FAT3: variants seen among roughly 807,000 people sequenced by gnomAD.
FAT3 encodes the protein protocadherin Fat 3.
A neutral mutation model predicts 310.2 loss-of-function variants in FAT3; 95 were observed. The ratio of observed to expected loss-of-function variants is 0.31; its 90% CI spans 0.26 to 0.36. The LOEUF is 0.36. Ranked by LOEUF, FAT3 falls within the 10% of genes least tolerant of loss-of-function variation. The probability of loss-of-function intolerance (pLI) is 1.00; values close to 1 mark genes in which losing one functional copy is unlikely to be tolerated. For synonymous variants in FAT3, 2,314 were observed against 2,192.9 expected (o/e 1.06, Z -1.54); for missense variants, 5,408 against 5,715.6 (o/e 0.95, Z 1.74).
chr11:92,350,640 G>A (rs1245136451), intron 1 of FAT3, among the ~76,000 whole-genome samples: 1 of 152,076 alleles, frequency 6.6e-6, no homozygotes, highest in East Asian at 1.9e-4. Flanking sequence ...CTTGCCGGCT[G>A]GGGAACATTG....
chr11:92,714,666 C>T (rs751907221), intron 4 of FAT3, among the ~76,000 whole-genome samples: 2 of 152,172 alleles, frequency 1.3e-5, no homozygotes, highest in African/African-American at 4.8e-5. Context: ...TCAGCTATTA[C>T]TAGATTGTGG....
At position 92,866,933 on chromosome 11, in the gene FAT3, A is replaced by G. The variant is rs1949262762; in HGVS notation, c.11851A>G (p.Ser3951Gly). Residue 3951 changes from serine to glycine, a missense_variant, in exon 22 of 28, where the codon AGC (serine) becomes GGC (glycine). Ser to Gly is a moderately conservative substitution (Grantham distance 56). This residue lies in a region of FAT3 where 4,588 missense variants were observed against 4,809.8 expected (regional missense o/e 0.95). Coordinates refer to ENST00000525166, the MANE Select transcript of FAT3 (RefSeq NM_001367949.2). ...GGCGCCCCTCTACTTCCAGACGCTGAGCACTGAGAGTAGCATCTACTTCGG... is the reference window on the plus strand; with the variant it reads ...GGCGCCCCTCTACTTCCAGACGCTGGGCACTGAGAGTAGCATCTACTTCGG... The part of the protein sequence containing the change: ...RRAPLYFQTL[S>G]TESSIYFGAL... 6.2e-7 allele frequency: 1 copy of G among 1,613,750 alleles called. No homozygotes were observed. Among genetic ancestry groups the G allele is most frequent in the Non-Finnish European group, 8.5e-7 (1 of 1,179,860 alleles).
At chr11:92,337,352 A>T (rs1175926556) in intron 1 of FAT3, among the ~76,000 whole-genome samples, 1 of 152,232 alleles carries the variant, frequency 6.6e-6, no homozygotes, top group African/African-American at 2.4e-5. Context: ...CATAAAAGTA[A>T]TGGAAGGATG....
chr11:92,307,342 T>TAAAC (rs1947168526), intron 1 of FAT3, among the ~76,000 whole-genome samples: 1 of 152,194 alleles, frequency 6.6e-6, no homozygotes, highest in African/African-American at 2.4e-5. Flanking sequence ...TTTCCTTTGT[T>TAAAC]TAATTTGGCT....
chr11:92,453,226 T>C (rs1044854632), intron 2 of FAT3, among the ~76,000 whole-genome samples: 23 of 152,212 alleles, frequency 1.5e-4, no homozygotes, highest in Admixed American at 3.3e-4. Context: ...AGTCAGTGAA[T>C]GAGTCATAGC....
rs1452177328 is a variant in FAT3 at position 92,882,931 on chromosome 11, G to C, written c.12475G>C (p.Ala4159Pro). Reference protein sequence around the residue: ...YVGKEELIGIAVVLFVIFILV... With the variant: ...YVGKEELIGIPVVLFVIFILV... Reference sequence around the variant, plus strand: ...GGGGAAGGAGGAGCTCATCGGCATCGCCGTGGTCCTCTTCGTCATCTTCAT... The same window carrying C: ...GGGGAAGGAGGAGCTCATCGGCATCCCCGTGGTCCTCTTCGTCATCTTCAT... Residue 4159 changes from alanine (A) to proline (P), a missense_variant, in exon 24 of 28, where the codon GCC (alanine) becomes CCC (proline). Coordinates refer to ENST00000525166, the MANE Select transcript of FAT3 (RefSeq NM_001367949.2). 9.3e-6 allele frequency: 15 copies of C among 1,613,106 alleles called. No individual in the cohort carries two copies. The highest frequency in any genetic ancestry group is 3.3e-5 in the Admixed American group (2 of 59,898).
intron 3 of FAT3, among the ~76,000 whole-genome samples, chr11:92,664,053 G>A (rs1010525447): frequency 6.6e-6 from 1 of 152,004 alleles, no homozygotes; most frequent in Non-Finnish European, 1.5e-5. Context: ...ACCGTGAGTG[G>A]TCTTGTGTTT....
chr11:92,426,437 T>G (rs1188521549), intron 2 of FAT3, among the ~76,000 whole-genome samples: 2 of 152,208 alleles, frequency 1.3e-5, no homozygotes, highest in Non-Finnish European at 2.9e-5. Context: ...GTTTTAGTCA[T>G]GAAGTCTTTG....
At chr11:92,859,085 G>T in intron 20 of FAT3, 80 bp from the exon 21 acceptor site, 1 of 1,378,372 alleles carries the variant, frequency 7.3e-7, no homozygotes, top group Non-Finnish European at 9.8e-7. Flanking sequence ...CTTGGTTGGT[G>T]GTTGTTGGGT....
At chr11:92,616,644 C>T (rs1940823022) in intron 3 of FAT3, among the ~76,000 whole-genome samples, 1 of 152,138 alleles carries the variant, frequency 6.6e-6, no homozygotes, top group South Asian at 2.1e-4. Flanking sequence ...TTAGTGCTTC[C>T]TTCAGGAGCT....
At chr11:92,418,406 G>A (rs935198134) in intron 2 of FAT3, among the ~76,000 whole-genome samples, 14 of 140,686 alleles carry the variant, frequency 1.0e-4, no homozygotes, top group Non-Finnish European at 2.0e-4. Flanking sequence ...AAACTTCAGT[G>A]CAAAAGTTAA....
At chr11:92,365,683 G>C (rs1324243742) in intron 2 of FAT3, among the ~76,000 whole-genome samples, 1 of 152,216 alleles carries the variant, frequency 6.6e-6, no homozygotes, top group Non-Finnish European at 1.5e-5. Context: ...ACTAGAATAT[G>C]ATTCAGAAGT....
At chr11:92,614,159 G>A (rs1043226502) in intron 3 of FAT3, among the ~76,000 whole-genome samples, 8 of 152,004 alleles carry the variant, frequency 5.3e-5, no homozygotes, top group African/African-American at 1.9e-4. Context: ...AATGGATATT[G>A]GGACTGTTTC....
intron 19 of FAT3, among the ~76,000 whole-genome samples, chr11:92,852,216 A>G (rs573395035): frequency 6.6e-6 from 1 of 152,334 alleles, no homozygotes; most frequent in Non-Finnish European, 1.5e-5. Flanking sequence ...ATTTTTTACA[A>G]TAGTTCATAG....
At chr11:92,280,385 A>C (rs1010019243) in intron 1 of FAT3, among the ~76,000 whole-genome samples, 4 of 152,218 alleles carry the variant, frequency 2.6e-5, no homozygotes, top group Non-Finnish European at 4.4e-5. Context: ...GAAAAGGTGT[A>C]CTTTGAAACT....
intron 2 of FAT3, among the ~76,000 whole-genome samples, chr11:92,478,483 C>G (rs1952107400): frequency 6.6e-6 from 1 of 152,182 alleles, no homozygotes; most frequent in Admixed American, 6.5e-5. Context: ...ACGAGTTCCT[C>G]ACTCAGGAGA....
chr11:92,747,374 G>A (rs546824564), intron 4 of FAT3, among the ~76,000 whole-genome samples: 14 of 152,334 alleles, frequency 9.2e-5, no homozygotes, highest in East Asian at 3.9e-4. Flanking sequence ...GCACTGAAGC[G>A]GTTGGGATGC....
intron 1 of FAT3, among the ~76,000 whole-genome samples, chr11:92,252,220 G>T (rs12361822): frequency 1.3e-5 from 2 of 152,132 alleles, no homozygotes; most frequent in Non-Finnish European, 2.9e-5. Flanking sequence ...TGTCAGAAGG[G>T]AAAATGCAGA....
intron 1 of FAT3, among the ~76,000 whole-genome samples, chr11:92,342,460 A>T (rs1245990276): frequency 6.6e-6 from 1 of 152,146 alleles, no homozygotes; most frequent in East Asian, 1.9e-4. Context: ...TTTAAAGAGG[A>T]ATGGCAATTG....
Sources: gnomAD v4.1 joint callset for allele counts (sites outside exome capture counted in the v4.1 genomes callset) on GRCh38, gnomAD v4.1.1 for gene constraint, gnomAD v4.1.1 regional missense constraint, MANE v1.5 for transcripts, NCBI Gene and HGNC (gene_info 2026-07-23, HGNC 2026-07-21) for gene names.